Variants in PTPRG observed in about 807,000 individuals in gnomAD.
The protein encoded by PTPRG is protein tyrosine phosphatase receptor type G.
PTPRG carries 102 observed loss-of-function variants against 165.3 expected under a neutral mutation model. That is an observed-to-expected ratio of 0.62 (90% CI 0.53 to 0.73). The LOEUF (loss-of-function observed/expected upper bound fraction) is 0.73, where lower values mean the gene tolerates loss of function less well. Among genes scored for constraint, PTPRG ranks in the 30% least tolerant of loss-of-function variants. The pLI is 0.00. For synonymous variants in PTPRG, 675 were observed against 669.5 expected (o/e 1.01, Z -0.13); for missense variants, 1,866 against 1,861.4 (o/e 1.00, Z -0.05).
intron 4 of PTPRG, among the ~76,000 whole-genome samples, chr3:62,041,302 G>T (rs755241050): frequency 6.6e-6 from 1 of 152,196 alleles, no homozygotes; most frequent in Non-Finnish European, 1.5e-5. Context: ...TGCCAAATTT[G>T]ATAAATCCAG....
chr3:61,779,351 C>T (rs1173790320), intron 2 of PTPRG, among the ~76,000 whole-genome samples: 1 of 145,536 alleles, frequency 6.9e-6, no homozygotes, highest in Non-Finnish European at 1.5e-5. Context: ...AAGAGTAAGC[C>T]CCCCTATGAG....
At chr3:61,912,558 T>C (rs1044692483) in intron 2 of PTPRG, among the ~76,000 whole-genome samples, 4 of 152,250 alleles carry the variant, frequency 2.6e-5, no homozygotes, top group African/African-American at 9.6e-5. Flanking sequence ...GTCATCATGA[T>C]TGATTTTTGT....
intron 2 of PTPRG, among the ~76,000 whole-genome samples, chr3:61,972,429 G>A (rs1041968143): frequency 6.9e-6 from 1 of 145,744 alleles, no homozygotes; most frequent in Non-Finnish European, 1.5e-5. Context: ...TGAGTGACAT[G>A]ATCTGACTTA....
chr3:62,265,925 A>ACACACACACACACACACACACC (rs1401710389), intron 17 of PTPRG, among the ~76,000 whole-genome samples: 2 of 149,752 alleles, frequency 1.3e-5, no homozygotes, highest in African/African-American at 4.9e-5. Flanking sequence ...ACACACACAC[A>ACACACACACACACACACACACC]CCATTCTCTC....
In PTPRG at chr3:62,195,826, C is replaced by T. The variant is rs893927139; in HGVS notation, c.1327+656C>T. Among the ~76,000 whole-genome samples, 1 of 152,092 alleles carries T rather than the reference C, an allele frequency of 6.6e-6. No individual in the cohort carries two copies. Among genetic ancestry groups the T allele is most frequent in the Non-Finnish European group, 1.5e-5 (1 of 68,018 alleles). ...TTGTTTGTTTTGAGATGAAGTCTCG[C>T]TCTGTTGCCCAAGCTGGAGTGCAGT... On this transcript the variant is annotated intron_variant, in intron 10 of 29. Coordinates refer to ENST00000474889, the MANE Select transcript of PTPRG (RefSeq NM_002841.4). This position sits in a 1 kb window ranked among gnomAD's most constrained non-coding sequence, Gnocchi z 4.4.
At chr3:61,784,413 A>C (rs931547567) in intron 2 of PTPRG, among the ~76,000 whole-genome samples, 13 of 152,204 alleles carry the variant, frequency 8.5e-5, no homozygotes, top group Admixed American at 7.2e-4. Flanking sequence ...TGATTCTATA[A>C]AGACATAGTT....
At chr3:62,163,786 A>G (rs1704860462) in intron 7 of PTPRG, among the ~76,000 whole-genome samples, 1 of 152,210 alleles carries the variant, frequency 6.6e-6, no homozygotes, top group East Asian at 1.9e-4. Flanking sequence ...AAACCACAGG[A>G]AATAGGTAAT....
chr3:61,644,730 T>C (rs746357620), intron 1 of PTPRG, among the ~76,000 whole-genome samples: 1 of 152,208 alleles, frequency 6.6e-6, no homozygotes, highest in Non-Finnish European at 1.5e-5. Context: ...ATTTATAGAA[T>C]CCTGTTAAAT....
rs2035482796 is a variant in PTPRG, at chr3:61,808,593, A to AATT, written c.190+59614_190+59616dup. Among the ~76,000 whole-genome samples, 3 of 152,158 alleles carry AATT rather than the reference A, an allele frequency of 2.0e-5. No homozygotes were observed. In the South Asian group the frequency reaches 6.2e-4, roughly 31 times the overall value. On this transcript the variant is annotated intron_variant, in intron 2 of 29. Transcript: ENST00000474889. ...TGATACTGGCTCTAAAGGCACATTT[A>AATT]ATTATGTAGGACACACCATCCCTTT...
At position 62,219,733 on chromosome 3, in the gene PTPRG, C is replaced by T. The variant is rs151016937; in HGVS notation, c.2288+750C>T. ...AACAGGTGTCATATTTTCATCTCTC[C>T]CTCCCTTCTTTCCATTCACTCAATT... On this transcript the variant is annotated intron_variant, in intron 13 of 29. Transcript: ENST00000474889. The surrounding 1 kb of genome is among the most constrained non-coding windows in gnomAD (Gnocchi z 4.5). Among the ~76,000 whole-genome samples, 2 of 152,286 alleles carry T rather than the reference C, an allele frequency of 1.3e-5. No individual in the cohort carries two copies. The highest frequency in any genetic ancestry group is 4.8e-5 in the African/African-American group (2 of 41,552).
At chr3:62,260,360 G>A (rs963443205) in intron 16 of PTPRG, among the ~76,000 whole-genome samples, 2 of 152,200 alleles carry the variant, frequency 1.3e-5, no homozygotes, top group African/African-American at 2.4e-5. Context: ...TAGTAGGACA[G>A]TAGGTCTTTA....
In PTPRG at chr3:62,265,894, T is replaced by TAG. The variant is rs1250968284; in HGVS notation, c.2657-1515_2657-1514insGA. On this transcript the variant is annotated intron_variant, in intron 17 of 29. Transcript: ENST00000474889. ...CACACACGTATACATCTGTGCCTTATATACACACACACACACACACACACA... is the reference window on the plus strand; with the variant it reads ...CACACACGTATACATCTGTGCCTTATAGATACACACACACACACACACACACA... Among the ~76,000 whole-genome samples the TAG allele has an allele frequency of 1.1e-4, 3 of 26,476 alleles. No homozygotes were observed. In the East Asian group the frequency reaches 3.2e-3, roughly 28 times the overall value. The allele number at this position is 26,476 out of a possible 152,430, so 17.4% of individuals were successfully genotyped here.
intron 2 of PTPRG, among the ~76,000 whole-genome samples, chr3:61,938,909 G>A (rs1053264856): frequency 2.0e-5 from 3 of 152,038 alleles, no homozygotes; most frequent in Non-Finnish European, 2.9e-5. Context: ...TTTCATGAGC[G>A]GCCATTAATT....
At chr3:61,757,100 T>A (rs932012035) in intron 2 of PTPRG, among the ~76,000 whole-genome samples, 3 of 152,152 alleles carry the variant, frequency 2.0e-5, no homozygotes, top group African/African-American at 7.2e-5. Flanking sequence ...AATGCTTACC[T>A]GAACATCCAC....
intron 1 of PTPRG, among the ~76,000 whole-genome samples, chr3:61,572,354 A>G (rs1051886671): frequency 5.3e-5 from 8 of 152,136 alleles, no homozygotes; most frequent in Non-Finnish European, 8.8e-5. Flanking sequence ...GTTTAAAACT[A>G]TCTAATGTGA....
chr3:61,789,491 A>T lies in PTPRG; in HGVS notation c.190+40509A>T, dbSNP rs528464800. The stretch of plus-strand genomic sequence containing the variant: ...ATACTAGTTGAATAGACCAACACAC[A>T]GATGGGTAAGTGTAAATATAGTGTT... On this transcript the variant is annotated intron_variant, in intron 2 of 29. Transcript: ENST00000474889. Among the ~76,000 whole-genome samples the T allele has an allele frequency of 9.8e-4, 149 of 152,338 alleles. 4 individuals are homozygous for T. The South Asian group carries it at 0.03, about 31-fold the overall frequency.
intron 1 of PTPRG, among the ~76,000 whole-genome samples, chr3:61,695,310 G>A (rs146492256): frequency 1.3e-5 from 2 of 152,102 alleles, no homozygotes; most frequent in East Asian, 3.9e-4. Flanking sequence ...CGCGCCTGGC[G>A]TGTTTGGCTT....
intron 2 of PTPRG, among the ~76,000 whole-genome samples, chr3:61,899,741 T>C (rs1255311967): frequency 1.3e-5 from 2 of 152,154 alleles, no homozygotes; most frequent in Non-Finnish European, 2.9e-5. Context: ...CATCTGTATA[T>C]AGTTTGAAAC....
At chr3:62,147,620 G>A (rs965147221) in intron 6 of PTPRG, among the ~76,000 whole-genome samples, 1 of 152,174 alleles carries the variant, frequency 6.6e-6, no homozygotes, top group Non-Finnish European at 1.5e-5. Context: ...ATGTTGACTT[G>A]GAGATGAGGA....
Sources: allele counts gnomAD v4.1 joint callset (sites outside exome capture counted in the v4.1 genomes callset), GRCh38; gene constraint gnomAD v4.1.1; non-coding constraint Gnocchi (gnomAD v3.1); transcripts MANE v1.5; gene names NCBI Gene and HGNC (gene_info 2026-07-23, HGNC 2026-07-21).